The following ADAMTS17 variants were observed in gnomAD, a reference collection of about 807,000 sequenced individuals.
ADAMTS17 encodes the protein A disintegrin and metalloproteinase with thrombospondin motifs 17.
Under a neutral mutation model 141.5 loss-of-function variants are expected in ADAMTS17, and 113 were observed. That is an observed-to-expected ratio of 0.80 (90% CI 0.69 to 0.93). The LOEUF is 0.93. Among genes scored for constraint, ADAMTS17 ranks in the 40% least tolerant of loss-of-function variants. The pLI is 0.00. For missense variants in ADAMTS17, 1,659 were observed against 1,517.9 expected, an observed-to-expected ratio of 1.09 and a Z score of -1.54; for synonymous variants, 768 against 630.6, an observed-to-expected ratio of 1.22 and a Z score of -3.27.
At chr15:100,097,221 T>G (rs7163094) in intron 14 of ADAMTS17, among the ~76,000 whole-genome samples, 1 of 152,192 alleles carries the variant, frequency 6.6e-6, no homozygotes, top group Non-Finnish European at 1.5e-5. Context: ...AAATTTATAC[T>G]GAACATTGGG....
rs61517202 is a variant in ADAMTS17 at position 100,284,690 on chromosome 15, C to G, written c.617-3289G>C. Among the ~76,000 whole-genome samples the G allele has an allele frequency of 6.0e-3, 921 of 152,308 alleles. 8 individuals carry two copies. The highest frequency in any genetic ancestry group is 0.02 in the Middle Eastern group (6 of 294). ...CACAGCATCATTTTTGATGGTCATT[C>G]CTTTTCCTACAGGGAGAAAAGAACC... On this transcript the variant is annotated intron_variant, in intron 3 of 21. Transcript: ENST00000268070.
intron 7 of ADAMTS17, among the ~76,000 whole-genome samples, chr15:100,231,272 G>C (rs1261914333): frequency 6.6e-6 from 1 of 152,192 alleles, no homozygotes; most frequent in African/African-American, 2.4e-5. Flanking sequence ...CTACTTATCA[G>C]ATAATCCAGT....
At chr15:99,999,458 G>A (rs941656459) in intron 18 of ADAMTS17, among the ~76,000 whole-genome samples, 1 of 152,092 alleles carries the variant, frequency 6.6e-6, no homozygotes, top group Non-Finnish European at 1.5e-5. Flanking sequence ...TGACTACGTG[G>A]GAAAAGGCTT....
At chr15:100,280,714 A>G (rs1460373046) in intron 4 of ADAMTS17, among the ~76,000 whole-genome samples, 1 of 152,168 alleles carries the variant, frequency 6.6e-6, no homozygotes, top group Non-Finnish European at 1.5e-5. Flanking sequence ...TCAGTGTCTA[A>G]CATTTGAGGA....
At chr15:100,267,417 T>C (rs1263881387) in intron 4 of ADAMTS17, among the ~76,000 whole-genome samples, 1 of 152,216 alleles carries the variant, frequency 6.6e-6, no homozygotes, top group Non-Finnish European at 1.5e-5. Context: ...GTTCGGCCAT[T>C]GTGAGTAATG....
rs147758091 is a variant in ADAMTS17 at position 100,147,301 on chromosome 15, T to C, written c.1473+5311A>G. ...GAACCTACGTGACTATCAGGGCAAATTCCCTGATAGTTATGCATCACTCAA... is the reference window on the plus strand; with the variant it reads ...GAACCTACGTGACTATCAGGGCAAACTCCCTGATAGTTATGCATCACTCAA... On this transcript the variant is annotated intron_variant, in intron 10 of 21. Transcript: ENST00000268070. Among the ~76,000 whole-genome samples the C allele has an allele frequency of 6.7e-4, 102 of 152,274 alleles. 1 individual carries two copies. Among genetic ancestry groups the C allele is most frequent in the African/African-American group, 2.3e-3 (95 of 41,556 alleles).
chr15:100,192,524 G>T (rs970190542), intron 8 of ADAMTS17, among the ~76,000 whole-genome samples: 34 of 152,150 alleles, frequency 2.2e-4, no homozygotes, highest in African/African-American at 7.2e-5. Flanking sequence ...TTCTCTCTCT[G>T]CATACCTTCC....
intron 2 of ADAMTS17, among the ~76,000 whole-genome samples, chr15:100,338,548 C>T (rs974934093): frequency 1.3e-5 from 2 of 152,234 alleles, no homozygotes; most frequent in Non-Finnish European, 2.9e-5. Context: ...GAAAGGGCAG[C>T]TTTGAGCAGC....
chr15:100,186,192 G>C (rs2040710116), intron 8 of ADAMTS17, among the ~76,000 whole-genome samples: 1 of 152,168 alleles, frequency 6.6e-6, no homozygotes, highest in Non-Finnish European at 1.5e-5. Context: ...TCATTAAGCT[G>C]CATTTCCTCC....
chr15:100,082,006 A>G (rs1434229671), intron 15 of ADAMTS17, among the ~76,000 whole-genome samples: 1 of 152,222 alleles, frequency 6.6e-6, no homozygotes, highest in African/African-American at 2.4e-5. Context: ...CTTACTAGAC[A>G]TGTTGCAAAA....
rs553302418 is a variant in ADAMTS17, at chr15:100,210,218, G to A, written c.1076-10795C>T. On this transcript the variant is annotated intron_variant, in intron 7 of 21. Transcript: ENST00000268070. ...TGCACTCCAGCCTGGGAGACAAAGC[G>A]AGACTCCATCTCAAAAAAAAAAAAA... is the stretch of plus-strand genomic sequence containing the variant. 3.0e-3 allele frequency among the ~76,000 whole-genome samples: 330 copies of A among 111,584 alleles called. 5 individuals carry two copies. Among genetic ancestry groups the A allele is most frequent in the Non-Finnish European group, 3.0e-4 (18 of 59,816 alleles). The allele number at this position is 111,584 out of a possible 152,430, so 73.2% of individuals were successfully genotyped here.
At chr15:100,322,111 T>C (rs2141910599) in intron 3 of ADAMTS17, among the ~76,000 whole-genome samples, 1 of 152,030 alleles carries the variant, frequency 6.6e-6, no homozygotes, top group South Asian at 2.1e-4. Flanking sequence ...GGTTGGAAGA[T>C]GTGGGTGGAG....
intron 3 of ADAMTS17, among the ~76,000 whole-genome samples, chr15:100,302,579 AC>A (rs1194482868): frequency 6.6e-6 from 1 of 152,130 alleles, no homozygotes; most frequent in African/African-American, 2.4e-5. Flanking sequence ...TTTTACTATA[AC>A]CATCCAAGCA....
At chr15:100,103,733 G>C (rs1314197793) in intron 14 of ADAMTS17, among the ~76,000 whole-genome samples, 1 of 152,094 alleles carries the variant, frequency 6.6e-6, no homozygotes, top group East Asian at 1.9e-4. Flanking sequence ...GCACTACCAT[G>C]CCCGGCTAAT....
intron 8 of ADAMTS17, among the ~76,000 whole-genome samples, 191 bp from the exon 9 acceptor site, chr15:100,155,511 G>T (rs1186139402): frequency 6.6e-6 from 1 of 152,198 alleles, no homozygotes; most frequent in African/African-American, 2.4e-5. Flanking sequence ...TTTGCTTAGT[G>T]AATGAAGATA....
intron 18 of ADAMTS17, among the ~76,000 whole-genome samples, chr15:100,048,139 T>C (rs546709565): frequency 1.3e-5 from 2 of 152,216 alleles, no homozygotes; most frequent in African/African-American, 4.8e-5. Flanking sequence ...ACACCTAGCC[T>C]AGTTAGAAAA....
intron 6 of ADAMTS17, among the ~76,000 whole-genome samples, chr15:100,258,255 G>C (rs556809524): frequency 1.3e-4 from 20 of 152,284 alleles, no homozygotes; most frequent in African/African-American, 4.8e-4. Flanking sequence ...GTGGGATCAC[G>C]TGGTAACTCT....
chr15:100,327,912 CCTT>C lies in ADAMTS17; in HGVS notation c.616+2974_616+2976del, dbSNP rs377133973. 4.3e-4 allele frequency among the ~76,000 whole-genome samples: 66 copies of C among 152,334 alleles called. No individual in the cohort carries two copies. The East Asian group carries it at 0.012, about 27-fold the overall frequency. On this transcript the variant is annotated intron_variant, in intron 3 of 21. Transcript: ENST00000268070. ...CCCAGATGGCCTTTGCCGTGTCAGT[CCTT>C]CTAGCCACCAACCCTGCTCAGACAT...
chr15:100,242,827 A>G (rs2141904604), intron 7 of ADAMTS17, among the ~76,000 whole-genome samples: 1 of 152,356 alleles, frequency 6.6e-6, no homozygotes, highest in Admixed American at 6.5e-5. Context: ...TGTAAAGTAT[A>G]CATAACATAA....
Sources: gnomAD v4.1 joint callset for allele counts (sites outside exome capture counted in the v4.1 genomes callset) on GRCh38, gnomAD v4.1.1 for gene constraint, MANE v1.5 for transcripts, NCBI Gene and HGNC (gene_info 2026-07-23, HGNC 2026-07-21) for gene names.